SDK1: variants seen among roughly 807,000 people sequenced by gnomAD.
The protein encoded by SDK1 is sidekick cell adhesion molecule 1.
A neutral mutation model predicts 245.5 loss-of-function variants in SDK1; 157 were observed. That is an observed-to-expected ratio of 0.64 (90% CI 0.56 to 0.73). The LOEUF is 0.73. Ranked by LOEUF, SDK1 falls within the 30% of genes least tolerant of loss-of-function variation. SDK1 has a pLI of 0.00. For missense variants in SDK1, 3,583 were observed against 3,002.3 expected (o/e 1.19, Z -4.52); for synonymous variants, 1,647 against 1,278.5 (o/e 1.29, Z -6.15).
intron 4 of SDK1, among the ~76,000 whole-genome samples, chr7:3,799,877 G>A: frequency 6.6e-6 from 1 of 152,038 alleles, no homozygotes; most frequent in Non-Finnish European, 1.5e-5. Flanking sequence ...TGAATACTTA[G>A]TTCATGGGGT....
intron 5 of SDK1, among the ~76,000 whole-genome samples, chr7:3,947,530 TTGTG>T (rs745830597): frequency 0.053 from 7,458 of 140,314 alleles, 477 homozygotes; most frequent in African/African-American, 0.16. Flanking sequence ...AAGTATTTGC[TTGTG>T]TGTGTGTGTG....
At chr7:3,354,532 A>G (rs1000205218) in intron 1 of SDK1, among the ~76,000 whole-genome samples, 7 of 152,248 alleles carry the variant, frequency 4.6e-5, no homozygotes, top group African/African-American at 7.2e-5. Context: ...TAACACTTCA[A>G]TTGTAAGAAT....
At chr7:3,584,504 T>G (rs551258006) in intron 1 of SDK1, among the ~76,000 whole-genome samples, 1 of 152,274 alleles carries the variant, frequency 6.6e-6, no homozygotes, top group East Asian at 1.9e-4. Flanking sequence ...TGAAGTCCCC[T>G]GTGGGGCCGC....
chr7:3,429,727 G>C (rs946222795), intron 1 of SDK1, among the ~76,000 whole-genome samples: 1 of 151,592 alleles, frequency 6.6e-6, no homozygotes, highest in Admixed American at 6.6e-5. Context: ...CTCCTGAGTA[G>C]CTGGGATTAC....
chr7:3,486,181 C>T (rs547891022), intron 1 of SDK1, among the ~76,000 whole-genome samples: 198 of 151,820 alleles, frequency 1.3e-3, no homozygotes, highest in African/African-American at 4.6e-3. Context: ...TTAGAACATT[C>T]TTCTAGTATC....
At chr7:3,760,595 G>C (rs55885888) in intron 4 of SDK1, among the ~76,000 whole-genome samples, 4,605 of 152,278 alleles carry the variant, frequency 0.03, 107 homozygotes, top group Non-Finnish European at 0.041. Flanking sequence ...CAGAATAATA[G>C]TTTTGGAATA....
intron 1 of SDK1, among the ~76,000 whole-genome samples, chr7:3,579,829 G>A (rs951421209): frequency 6.6e-6 from 1 of 152,186 alleles, no homozygotes; most frequent in Non-Finnish European, 1.5e-5. Flanking sequence ...TTGTTTGCAG[G>A]TGACATGATT....
intron 1 of SDK1, among the ~76,000 whole-genome samples, chr7:3,420,003 A>C (rs544495163): frequency 6.6e-6 from 1 of 152,340 alleles, no homozygotes; most frequent in South Asian, 2.1e-4. Context: ...TGTGACTGTG[A>C]AACATGCCAC....
chr7:3,859,777 T>G lies in SDK1; in HGVS notation c.847+38194T>G, dbSNP rs1291339415. ...ACACTGCCCACCACACCTGTGTCAC[T>G]CACGTCACACTTCTCCAGATCCATT... is the stretch of plus-strand genomic sequence containing the variant. On this transcript the variant is annotated intron_variant, in intron 5 of 44. Transcript: ENST00000404826. 3.3e-5 allele frequency among the ~76,000 whole-genome samples: 5 copies of G among 152,290 alleles called. No individual in the cohort carries two copies. The East Asian group carries it at 9.6e-4, about 29-fold the overall frequency.
chr7:3,692,581 G>C (rs893209996), intron 4 of SDK1, among the ~76,000 whole-genome samples: 1 of 151,518 alleles, frequency 6.6e-6, no homozygotes, highest in African/African-American at 2.4e-5. Context: ...TTCAATTTTT[G>C]TGCTTATTTA....
At chr7:3,457,606 T>C (rs1780711314) in intron 1 of SDK1, among the ~76,000 whole-genome samples, 1 of 152,218 alleles carries the variant, frequency 6.6e-6, no homozygotes, top group Admixed American at 6.5e-5. Flanking sequence ...TATGATTAGC[T>C]CATCTCTAAA....
At chr7:4,044,820 C>T (rs1331482704) in intron 17 of SDK1, among the ~76,000 whole-genome samples, 2 of 152,126 alleles carry the variant, frequency 1.3e-5, no homozygotes, top group Non-Finnish European at 1.5e-5. Context: ...TTCTAGAGTA[C>T]AGTTATATAT....
rs114123417 is a variant in SDK1, at chr7:3,382,955, T to C, written c.298+81071T>C. Among the ~76,000 whole-genome samples the C allele has an allele frequency of 1.3e-3, 191 of 152,286 alleles. 4 individuals are homozygous for C. The highest frequency in any genetic ancestry group is 4.5e-3 in the African/African-American group (185 of 41,552). On this transcript the variant is annotated intron_variant, in intron 1 of 44. Transcript: ENST00000404826. ...AGCTTATTTTGGGTAAAAAGAAAGA[T>C]TACCTTTCTATCTTCTCACTTTATC...
intron 4 of SDK1, among the ~76,000 whole-genome samples, chr7:3,715,250 T>C (rs1054999477): frequency 1.4e-4 from 21 of 152,342 alleles, no homozygotes; most frequent in Middle Eastern, 6.8e-3. Flanking sequence ...ATTTTACTTT[T>C]TGCAGATGAG....
At chr7:3,537,235 C>G (rs17133527) in intron 1 of SDK1, among the ~76,000 whole-genome samples, 11,125 of 152,234 alleles carry the variant, frequency 0.073, 500 homozygotes, top group East Asian at 0.22. Flanking sequence ...ACTCTTGTGT[C>G]TGACTATCCC....
chr7:4,056,881 C>T lies in SDK1; in HGVS notation c.2911+5051C>T, dbSNP rs535687529. On this transcript the variant is annotated intron_variant, in intron 19 of 44. Coordinates refer to ENST00000404826, the MANE Select transcript of SDK1 (RefSeq NM_152744.4). ...CGGGTCCCGACAGACCATTCCGCCCCGGCTCCCGACAGCCTCTGCATCTCC... is the reference window on the plus strand; with the variant it reads ...CGGGTCCCGACAGACCATTCCGCCCTGGCTCCCGACAGCCTCTGCATCTCC... Among the ~76,000 whole-genome samples, 3 of 152,210 alleles carry T rather than the reference C, an allele frequency of 2.0e-5. No homozygotes were observed. The East Asian group carries it at 5.8e-4, about 29-fold the overall frequency.
chr7:4,207,992 C>T (rs557981944), intron 36 of SDK1, 107 bp from the exon 37 acceptor site: 327 of 802,172 alleles, frequency 4.1e-4, no homozygotes, highest in Non-Finnish European at 5.8e-4. Flanking sequence ...CAGCACAGCT[C>T]GCCCCAGAAC....
chr7:3,590,300 CTTTTTTTTTT>C (rs200303832), intron 1 of SDK1, among the ~76,000 whole-genome samples: 4 of 96,134 alleles, frequency 4.2e-5, no homozygotes, highest in South Asian at 4.3e-4. Context: ...TTTCCTGTTC[CTTTTTTTTTT>C]TTTTTTTTTT....
chr7:3,324,138 C>A (rs1193988254), intron 1 of SDK1, among the ~76,000 whole-genome samples: 1 of 152,098 alleles, frequency 6.6e-6, no homozygotes, highest in East Asian at 1.9e-4. Flanking sequence ...TTTCACATTG[C>A]TGTCGTAGGG....
Sources: allele counts gnomAD v4.1 joint callset (sites outside exome capture counted in the v4.1 genomes callset), GRCh38; gene constraint gnomAD v4.1.1; transcripts MANE v1.5; gene names NCBI Gene and HGNC (gene_info 2026-07-23, HGNC 2026-07-21).